The following GALNT13 variants were observed in gnomAD, a reference collection of about 807,000 sequenced individuals.
The protein encoded by GALNT13 is UDP-GalNAc:polypeptide N-acetylgalactosaminyltransferase 13.
A neutral mutation model predicts 64.2 loss-of-function variants in GALNT13; 28 were observed. That is an observed-to-expected ratio of 0.44 (90% CI 0.32 to 0.60). GALNT13 has a LOEUF of 0.60. GALNT13 is among the 20% of genes least tolerant of loss of function. The probability of loss-of-function intolerance (pLI) is 0.05; values close to 1 mark genes in which losing one functional copy is unlikely to be tolerated. For missense variants in GALNT13, 577 were observed against 669.8 expected, an observed-to-expected ratio of 0.86 and a Z score of 1.53; for synonymous variants, 214 against 224.6, an observed-to-expected ratio of 0.95 and a Z score of 0.42.
the GALNT13 span, among the ~76,000 whole-genome samples, chr2:153,086,458 C>T: frequency 6.6e-6 from 1 of 152,062 alleles, no homozygotes; most frequent in Non-Finnish European, 1.5e-5. Context: ...GGCTGTTTTT[C>T]CCATACTGTT....
At chr2:153,301,328 A>AAAAAAAAGAAAAAAAG in the GALNT13 span, among the ~76,000 whole-genome samples, 32 of 150,846 alleles carry the variant, frequency 2.1e-4, no homozygotes, top group Admixed American at 2.6e-4. Flanking sequence ...AGAAAAAAAA[A>AAAAAAAAGAAAAAAAG]AAGAGTCTGC....
At chr2:154,120,808 T>G (rs1283910112) in intron 3 of GALNT13, among the ~76,000 whole-genome samples, 1 of 152,178 alleles carries the variant, frequency 6.6e-6, no homozygotes, top group Non-Finnish European at 1.5e-5. Context: ...ACTGAGAAGT[T>G]GACTTGTAAC....
chr2:153,560,844 C>T, the GALNT13 span, among the ~76,000 whole-genome samples: 1 of 151,866 alleles, frequency 6.6e-6, no homozygotes, highest in Admixed American at 6.6e-5. Context: ...TTGTCTTGTT[C>T]CAAGGAAGAA....
intron 4 of GALNT13, among the ~76,000 whole-genome samples, chr2:154,237,153 T>C (rs772048814): frequency 1.3e-4 from 19 of 151,912 alleles, no homozygotes; most frequent in Non-Finnish European, 2.5e-4. Context: ...AATGAAACTT[T>C]GAATTAGCCA....
At chr2:153,600,045 G>T in the GALNT13 span, among the ~76,000 whole-genome samples, 1 of 151,912 alleles carries the variant, frequency 6.6e-6, no homozygotes, top group Admixed American at 6.6e-5. Context: ...TCCCGAGGCA[G>T]AGAGGATTAG....
At chr2:153,744,194 G>C in the GALNT13 span, among the ~76,000 whole-genome samples, 2 of 152,096 alleles carry the variant, frequency 1.3e-5, no homozygotes, top group Non-Finnish European at 2.9e-5. Flanking sequence ...TATATGCCCA[G>C]CAGTGAGATT....
intron 3 of GALNT13, among the ~76,000 whole-genome samples, chr2:154,029,971 A>C (rs1698236798): frequency 6.6e-6 from 1 of 152,180 alleles, no homozygotes; most frequent in Admixed American, 6.6e-5. Flanking sequence ...GAATTATTAT[A>C]CTTGAAAACG....
At chr2:153,442,694 C>T in the GALNT13 span, among the ~76,000 whole-genome samples, 1 of 152,268 alleles carries the variant, frequency 6.6e-6, no homozygotes, top group Middle Eastern at 3.4e-3. Context: ...GGAGTTTTAC[C>T]TATAAGCCCC....
the GALNT13 span, among the ~76,000 whole-genome samples, chr2:153,316,639 C>CAAAAAAAATAAAAAA: frequency 1.4e-5 from 1 of 69,842 alleles, no homozygotes; most frequent in Admixed American, 1.8e-4. Flanking sequence ...GACTCCGTCT[C>CAAAAAAAATAAAAAA]AAAAAAAAAA....
At position 154,229,670 on chromosome 2, in the gene GALNT13, T is replaced by A. The variant is rs112208323; in HGVS notation, c.312-12360T>A. ...AGGAAGTGTGACTTGAGGCCTATCTTGGGTAATATACGTGAGTTCTGCATG... is the reference window on the plus strand; with the variant it reads ...AGGAAGTGTGACTTGAGGCCTATCTAGGGTAATATACGTGAGTTCTGCATG... On this transcript the variant is annotated intron_variant, in intron 4 of 12. Transcript: ENST00000392825. Among the ~76,000 whole-genome samples the A allele has an allele frequency of 6.8e-3, 1,028 of 152,192 alleles. 10 individuals carry two copies. The highest frequency in any genetic ancestry group is 0.024 in the African/African-American group (994 of 41,540).
chr2:153,177,118 A>T, the GALNT13 span, among the ~76,000 whole-genome samples: 1 of 141,614 alleles, frequency 7.1e-6, no homozygotes, highest in South Asian at 2.3e-4. Context: ...TAATACAATA[A>T]AATTACCTTG....
chr2:153,964,409 A>G (rs1693178417), intron 3 of GALNT13, among the ~76,000 whole-genome samples: 1 of 152,196 alleles, frequency 6.6e-6, no homozygotes, highest in South Asian at 2.1e-4. Flanking sequence ...AGATCATGCA[A>G]CTGCACTCCT....
the GALNT13 span, chr2:153,423,413 G>A: frequency 6.6e-6 from 1 of 151,794 alleles, no homozygotes; most frequent in Non-Finnish European, 1.5e-5. Context: ...AAGATACTTT[G>A]TAATAAAATG....
rs540480353 is a variant in GALNT13 at position 154,215,121 on chromosome 2, A to G, written c.312-26909A>G. ...ATCAAACCTAGATGAGAAGACAGGC[A>G]CTTGACAGCATTGTTTGCACACATG... On this transcript the variant is annotated intron_variant, in intron 4 of 12. Coordinates refer to ENST00000392825, the MANE Select transcript of GALNT13 (RefSeq NM_052917.4). 5.3e-4 allele frequency among the ~76,000 whole-genome samples: 81 copies of G among 152,346 alleles called. 1 individual carries two copies. Among genetic ancestry groups the G allele is most frequent in the Middle Eastern group, 6.8e-3 (2 of 294 alleles).
rs1040298983 is a variant in GALNT13, at chr2:154,163,459, A to G, written c.311+22954A>G. Among the ~76,000 whole-genome samples, 8 of 152,230 alleles carry G rather than the reference A, an allele frequency of 5.3e-5. No individual in the cohort carries two copies. The South Asian group carries it at 6.2e-4, about 12-fold the overall frequency. On this transcript the variant is annotated intron_variant, in intron 4 of 12. Transcript: ENST00000392825. ...ATACAAACTACCATCAGAGAATACTATAAACACCTCTATGCAAATAAACTA... is the reference window on the plus strand; with the variant it reads ...ATACAAACTACCATCAGAGAATACTGTAAACACCTCTATGCAAATAAACTA...
chr2:153,339,562 T>A, the GALNT13 span, among the ~76,000 whole-genome samples: 1 of 152,210 alleles, frequency 6.6e-6, no homozygotes, highest in Non-Finnish European at 1.5e-5. Context: ...ATTCTGTAAG[T>A]TGTCTTTTTA....
At chr2:153,245,748 A>G in the GALNT13 span, among the ~76,000 whole-genome samples, 271 of 152,212 alleles carry the variant, frequency 1.8e-3, no homozygotes, top group African/African-American at 6.3e-3. Flanking sequence ...TCTTCTTCAA[A>G]TGATTGTAAC....
chr2:153,293,761 T>TTG, the GALNT13 span, among the ~76,000 whole-genome samples: 390 of 104,804 alleles, frequency 3.7e-3, 4 homozygotes, highest in South Asian at 0.041. Flanking sequence ...TTTTTTCTGT[T>TTG]TGTGTGTGTG....
chr2:153,503,382 T>C, the GALNT13 span, among the ~76,000 whole-genome samples: 1 of 152,188 alleles, frequency 6.6e-6, no homozygotes, highest in Admixed American at 6.5e-5. Flanking sequence ...AAAGATCAGT[T>C]GGCTTCATTT....
Sources: gnomAD v4.1 joint callset for allele counts (sites outside exome capture counted in the v4.1 genomes callset) on GRCh38, gnomAD v4.1.1 for gene constraint, MANE v1.5 for transcripts, NCBI Gene and HGNC (gene_info 2026-07-23, HGNC 2026-07-21) for gene names.